Variants in CRACD observed in about 807,000 individuals in gnomAD.
CRACD encodes capping protein-inhibiting regulator of actin dynamics.
A neutral mutation model predicts 106.8 loss-of-function variants in CRACD; 56 were observed. The ratio of observed to expected loss-of-function variants is 0.52; its 90% CI spans 0.42 to 0.66. The LOEUF (loss-of-function observed/expected upper bound fraction) is 0.66. Ranked by LOEUF, CRACD falls within the 30% of genes least tolerant of loss-of-function variation. The pLI is 0.00. For synonymous variants in CRACD, 754 were observed against 670.8 expected (o/e 1.12, Z -1.92); for missense variants, 1,730 against 1,623.2 (o/e 1.07, Z -1.13).
intron 6 of CRACD, 167 bp downstream of exon 6, chr4:56,310,901 C>T (rs775529416): frequency 1.3e-4 from 74 of 584,846 alleles, no homozygotes; most frequent in Non-Finnish European, 1.9e-4. Context: ...GTTGGAGCAT[C>T]TGTTTCCATG....
rs554300865 is a variant in CRACD, at chr4:56,212,938, A to G, written c.-189+33508A>G. 3.9e-5 allele frequency among the ~76,000 whole-genome samples: 6 copies of G among 152,274 alleles called. No homozygotes were observed. The South Asian group carries it at 1.2e-3, about 32-fold the overall frequency. On this transcript the variant is annotated intron_variant, in intron 2 of 10. Transcript: ENST00000682029. The stretch of plus-strand genomic sequence containing the variant: ...CCAGTTTGCATCAGAAGTTTGCTCA[A>G]ACAAACTCAGAGAACTCACAACACA...
Position 56,313,202 on chromosome 4 carries a change from TC to T in CRACD, c.363del (p.Val122LeufsTer21). 1 of 1,613,930 alleles carries T rather than the reference TC, an allele frequency of 6.2e-7. No individual in the cohort carries two copies. Among genetic ancestry groups the T allele is most frequent in the Non-Finnish European group, 8.5e-7 (1 of 1,179,936 alleles). The part of the protein sequence containing the change: ...AGSEMEEKVA[P>X]VKPSRPKRHF... ...TATTTTAATCTCCCCTACAGGTTGCTCCCGTTAAACCGTCTCGGCCAAAAAG... is the reference window on the plus strand; with the variant it reads ...TATTTTAATCTCCCCTACAGGTTGCTCCGTTAAACCGTCTCGGCCAAAAAG... On this transcript the variant is annotated frameshift_variant, in exon 7 of 11. Transcript: ENST00000682029. LOFTEE classifies it high-confidence loss of function.
intron 2 of CRACD, chr4:56,216,078 A>T (rs1276412305): frequency 6.6e-6 from 1 of 152,214 alleles, no homozygotes; most frequent in Non-Finnish European, 1.5e-5. Flanking sequence ...TGGGTGAGTC[A>T]TGGCAACCTT....
At chr4:56,191,578 C>A (rs926364192) in intron 2 of CRACD, among the ~76,000 whole-genome samples, 2 of 152,228 alleles carry the variant, frequency 1.3e-5, no homozygotes, top group African/African-American at 4.8e-5. Flanking sequence ...TTAACTTCAG[C>A]ACATCTGATC....
chr4:56,073,678 C>A (rs575809991), intron 1 of CRACD, among the ~76,000 whole-genome samples: 1 of 152,248 alleles, frequency 6.6e-6, no homozygotes, highest in South Asian at 2.1e-4. Context: ...ATGATAGTTT[C>A]TTTTACTGTA....
intron 1 of CRACD, among the ~76,000 whole-genome samples, chr4:56,066,694 C>T (rs933983652): frequency 9.2e-5 from 14 of 152,136 alleles, no homozygotes; most frequent in Non-Finnish European, 1.6e-4. Context: ...TCTGCTCTGG[C>T]CCTATATGTC....
At chr4:56,215,442 A>G (rs1346570622) in intron 2 of CRACD, among the ~76,000 whole-genome samples, 1 of 152,222 alleles carries the variant, frequency 6.6e-6, no homozygotes, top group Non-Finnish European at 1.5e-5. Context: ...CAGCATATTA[A>G]TGCTGGGGCA....
intron 2 of CRACD, among the ~76,000 whole-genome samples, chr4:56,264,270 G>T (rs1378109260): frequency 6.6e-6 from 1 of 152,030 alleles, no homozygotes; most frequent in Non-Finnish European, 1.5e-5. Flanking sequence ...TTTGAATGGG[G>T]ACAGAGCTAA....
At chr4:56,075,021 TC>T (rs1321950918) in intron 1 of CRACD, among the ~76,000 whole-genome samples, 1 of 152,226 alleles carries the variant, frequency 6.6e-6, no homozygotes, top group African/African-American at 2.4e-5. Flanking sequence ...CTGCTTTGCA[TC>T]CCAGGGATGA....
intron 1 of CRACD, among the ~76,000 whole-genome samples, chr4:56,093,320 A>AC (rs1560448753): frequency 2.0e-5 from 3 of 152,106 alleles, no homozygotes; most frequent in Non-Finnish European, 4.4e-5. Flanking sequence ...TCCTGTAGGT[A>AC]CTTGGGGATG....
chr4:56,291,558 A>G (rs1180335821), intron 3 of CRACD, among the ~76,000 whole-genome samples: 1 of 152,220 alleles, frequency 6.6e-6, no homozygotes, highest in African/African-American at 2.4e-5. Context: ...AGAACAGGAA[A>G]TAATCTACAT....
At chr4:56,094,421 CTTT>C (rs1050719130) in intron 1 of CRACD, among the ~76,000 whole-genome samples, 8 of 117,080 alleles carry the variant, frequency 6.8e-5, no homozygotes, top group African/African-American at 1.9e-4. Context: ...CATATAGATT[CTTT>C]TTTTTTTTTT....
intron 2 of CRACD, among the ~76,000 whole-genome samples, chr4:56,190,641 G>A (rs900904783): frequency 1.8e-4 from 27 of 152,152 alleles, no homozygotes; most frequent in Non-Finnish European, 7.3e-5. Context: ...CTCTGTCCCT[G>A]TAGCTTTGAA....
intron 2 of CRACD, among the ~76,000 whole-genome samples, chr4:56,233,700 C>T (rs895307195): frequency 3.9e-5 from 6 of 152,130 alleles, no homozygotes; most frequent in Admixed American, 6.5e-5. Flanking sequence ...TTCGCAGTTT[C>T]ATATGAATTT....
chr4:56,098,973 C>A (rs972929902), intron 1 of CRACD, among the ~76,000 whole-genome samples: 4 of 152,122 alleles, frequency 2.6e-5, no homozygotes, highest in African/African-American at 9.7e-5. Context: ...GCCATGGTGC[C>A]CAGCCCGGGA....
chr4:56,148,961 G>A (rs1301653194), intron 1 of CRACD, among the ~76,000 whole-genome samples: 2 of 151,692 alleles, frequency 1.3e-5, no homozygotes, highest in Non-Finnish European at 2.9e-5. Flanking sequence ...GATTACAGGC[G>A]CCTGCCACCA....
chr4:56,122,324 A>T (rs1335649568), intron 1 of CRACD, among the ~76,000 whole-genome samples: 1 of 147,066 alleles, frequency 6.8e-6, no homozygotes, highest in Non-Finnish European at 1.5e-5. Context: ...AAAAAAAAAA[A>T]GAATTTTTAA....
chr4:56,136,354 C>G (rs946717482), intron 1 of CRACD, among the ~76,000 whole-genome samples: 2 of 152,138 alleles, frequency 1.3e-5, no homozygotes, highest in Non-Finnish European at 2.9e-5. Flanking sequence ...TCCATAGTGT[C>G]TGTGCCATTA....
intron 1 of CRACD, among the ~76,000 whole-genome samples, chr4:56,090,643 C>T (rs1054190840): frequency 3.9e-5 from 6 of 152,156 alleles, no homozygotes; most frequent in African/African-American, 1.4e-4. Flanking sequence ...GATCTGCCCG[C>T]CTTGGTCTCC....
Sources: gnomAD v4.1 joint callset for allele counts (sites outside exome capture counted in the v4.1 genomes callset) on GRCh38, gnomAD v4.1.1 for gene constraint, MANE v1.5 for transcripts, NCBI Gene and HGNC (gene_info 2026-07-23, HGNC 2026-07-21) for gene names.